Variants in SAP30BP observed in about 807,000 individuals in gnomAD.
The protein encoded by SAP30BP is SAP30 binding protein.
A neutral mutation model predicts 46.3 loss-of-function variants in SAP30BP; 31 were observed. That is an observed-to-expected ratio of 0.67 (90% CI 0.50 to 0.90). The LOEUF (loss-of-function observed/expected upper bound fraction) is 0.90, where lower values mean the gene tolerates loss of function less well. Ranked by LOEUF, SAP30BP falls within the 40% of genes least tolerant of loss-of-function variation. SAP30BP has a pLI of 0.00. For missense variants in SAP30BP, 312 were observed against 391.0 expected, an observed-to-expected ratio of 0.80 and a Z score of 1.70; for synonymous variants, 169 against 144.2, an observed-to-expected ratio of 1.17 and a Z score of -1.23.
At chr17:75,681,963 G>A (rs181091672) in intron 3 of SAP30BP, among the ~76,000 whole-genome samples, 52 of 152,058 alleles carry the variant, frequency 3.4e-4, no homozygotes, top group Middle Eastern at 3.4e-3. Context: ...CGCTGCTGGC[G>A]AGCCCTGACA....
At chr17:75,678,866 G>T (rs904127833) in intron 3 of SAP30BP, among the ~76,000 whole-genome samples, 6 of 152,172 alleles carry the variant, frequency 3.9e-5, no homozygotes, top group Non-Finnish European at 2.9e-5. Context: ...ACCTGAAGCC[G>T]CGCGCAGAAT....
intron 4 of SAP30BP, among the ~76,000 whole-genome samples, chr17:75,695,439 C>T (rs1207178164): frequency 1.3e-5 from 2 of 152,222 alleles, no homozygotes; most frequent in East Asian, 1.9e-4. Context: ...TGTAGTTGGG[C>T]ATGTCCAGAG....
rs952747790 is a variant in SAP30BP at position 75,705,935 on chromosome 17, G to A, written c.661-73G>A. 3.1e-6 allele frequency: 5 copies of A among 1,595,532 alleles called. No homozygotes were observed. In the African/African-American group the frequency reaches 5.3e-5, roughly 17 times the overall value. On this transcript the variant is annotated intron_variant, in intron 9 of 10. Coordinates refer to ENST00000584667, the MANE Select transcript of SAP30BP (RefSeq NM_013260.8). ...GTAGTGCCAAGCTCCTGTCCCCCAG[G>A]AGCTGACGGATGGCAAAAAGCTGTG... is the stretch of plus-strand genomic sequence containing the variant.
chr17:75,677,094 C>A (rs2060001769), intron 3 of SAP30BP, among the ~76,000 whole-genome samples: 1 of 146,788 alleles, frequency 6.8e-6, no homozygotes, highest in Non-Finnish European at 1.5e-5. Flanking sequence ...TTTTTACTGT[C>A]CTGGCAGAAA....
intron 7 of SAP30BP, 73 bp from the exon 8 acceptor site, chr17:75,703,735 T>C: frequency 2.2e-6 from 3 of 1,343,676 alleles, no homozygotes; most frequent in Non-Finnish European, 3.2e-6. Context: ...AGAAGCTCTA[T>C]GGGAAGACTT....
chr17:75,703,981 G>A (rs186497040), intron 8 of SAP30BP, 122 bp downstream of exon 8: 1 of 804,714 alleles, frequency 1.2e-6, no homozygotes, highest in East Asian at 2.4e-5. Context: ...CCATGTTCAA[G>A]GGGGCTGGGT....
chr17:75,684,499 G>A (rs1026686686), intron 3 of SAP30BP: 2 of 152,220 alleles, frequency 1.3e-5, no homozygotes, highest in African/African-American at 4.8e-5. Context: ...CTTGACCATT[G>A]CTGGTTTGTG....
chr17:75,671,149 A>T (rs2059902175), intron 2 of SAP30BP, among the ~76,000 whole-genome samples: 1 of 152,186 alleles, frequency 6.6e-6, no homozygotes, highest in Non-Finnish European at 1.5e-5. Context: ...GGTAGAATGG[A>T]TCACTGGCAG....
At position 75,706,486 on chromosome 17, in the gene SAP30BP, GCT is replaced by G; in HGVS notation, c.893_894del (p.Ala298GlyfsTer13). The G allele has an allele frequency of 6.2e-7, 1 of 1,614,142 alleles. No individual in the cohort carries two copies. Among genetic ancestry groups the G allele is most frequent in the Non-Finnish European group, 8.5e-7 (1 of 1,180,034 alleles). On this transcript the variant is annotated frameshift_variant, in exon 11 of 11. Coordinates refer to ENST00000584667, the MANE Select transcript of SAP30BP (RefSeq NM_013260.8). LOFTEE classifies it high-confidence loss of function. The surrounding 1 kb of genome is among the most constrained non-coding windows in gnomAD (Gnocchi z 4.6). ...ASGSKTTVIS[A>X]VGTIVKKAKQ ...CGGCTCCAAGACCACCGTCATCTCT[GCT>G]GTGGGCACCATTGTGAAGAAGGCCA...
intron 6 of SAP30BP, chr17:75,703,057 C>T: frequency 1.9e-6 from 1 of 530,428 alleles, no homozygotes; most frequent in Admixed American, 3.2e-5. Flanking sequence ...GTGTGGTAAG[C>T]CCAATCCAGC....
chr17:75,672,824 G>A (rs776830521), intron 3 of SAP30BP, among the ~76,000 whole-genome samples: 5 of 151,982 alleles, frequency 3.3e-5, no homozygotes, highest in Non-Finnish European at 7.4e-5. Flanking sequence ...GGTGAGACTG[G>A]TGGGTGGTGC....
intron 1 of SAP30BP, 104 bp downstream of exon 1, chr17:75,667,582 C>T (rs2059812159): frequency 9.6e-7 from 1 of 1,036,280 alleles, no homozygotes; most frequent in South Asian, 1.4e-5. Context: ...GCTCCAAGCA[C>T]CGGACCCCGA....
rs1568292774 is a variant in SAP30BP, at chr17:75,667,490, G to A, written c.106+12G>A. The A allele has an allele frequency of 5.0e-6, 8 of 1,613,032 alleles. No homozygotes were observed. Among genetic ancestry groups the A allele is most frequent in the South Asian group, 2.2e-5 (2 of 91,066 alleles). On this transcript the variant is annotated intron_variant, in intron 1 of 10. Coordinates refer to ENST00000584667, the MANE Select transcript of SAP30BP (RefSeq NM_013260.8). ...GGGCAGCGCGGCTGGTAAGGCCCAA[G>A]TGCGAAGCTGGAAGGGGGAATCGGG...
intron 4 of SAP30BP, 53 bp downstream of exon 4, chr17:75,693,535 C>G: frequency 6.4e-7 from 1 of 1,568,766 alleles, no homozygotes; most frequent in Non-Finnish European, 8.7e-7. Context: ...TCCTAGCAGC[C>G]TGGCTTCCAG....
At position 75,706,420 on chromosome 17, in the gene SAP30BP, G is replaced by A; in HGVS notation, c.826G>A (p.Ala276Thr). The change falls in exon 11 of 11, where the codon GCC (alanine) becomes ACC (threonine). Residue 276 changes from alanine to threonine, a missense_variant. Physicochemically the swap from Ala to Thr is moderately conservative, Grantham distance 58. This residue lies in a region of SAP30BP where 296 missense variants were observed against 346.6 expected (regional missense o/e 0.85). Transcript: ENST00000584667. The surrounding 1 kb of genome is among the most constrained non-coding windows in gnomAD (Gnocchi z 4.6). The part of the protein sequence containing the change: ...IAQPTILTTT[A>T]TLPAVVTVTT... ...CCAGCCCACCATCCTCACCACCACA[G>A]CCACCCTGCCAGCTGTTGTCACGGT... 6.2e-7 allele frequency: 1 copy of A among 1,614,138 alleles called. No individual in the cohort carries two copies. Among genetic ancestry groups the A allele is most frequent in the Non-Finnish European group, 8.5e-7 (1 of 1,180,014 alleles).
intron 1 of SAP30BP, among the ~76,000 whole-genome samples, chr17:75,667,833 G>C (rs2059823360): frequency 6.6e-6 from 1 of 152,230 alleles, no homozygotes; most frequent in Non-Finnish European, 1.5e-5. Context: ...AGATGGTAAA[G>C]ATTGTGTTCG....
intron 4 of SAP30BP, among the ~76,000 whole-genome samples, chr17:75,698,771 T>C (rs760576217): frequency 7.8e-4 from 119 of 152,200 alleles, no homozygotes; most frequent in Non-Finnish European, 4.4e-4. Flanking sequence ...AAATTGGCCA[T>C]GGCAGGAGAA....
At chr17:75,700,807 G>A (rs1036240964) in intron 5 of SAP30BP, among the ~76,000 whole-genome samples, 2 of 152,184 alleles carry the variant, frequency 1.3e-5, no homozygotes, top group East Asian at 1.9e-4. Context: ...CCAGCAACCC[G>A]CCAGGCAGAG....
chr17:75,670,754 A>C (rs1474099209), intron 2 of SAP30BP, among the ~76,000 whole-genome samples: 1 of 152,166 alleles, frequency 6.6e-6, no homozygotes, highest in Non-Finnish European at 1.5e-5. Flanking sequence ...CCTTGGACTC[A>C]CTGGTACCTT....
Sources: gnomAD v4.1 joint callset for allele counts (sites outside exome capture counted in the v4.1 genomes callset) on GRCh38, gnomAD v4.1.1 for gene constraint, gnomAD v4.1.1 regional missense constraint, Gnocchi (gnomAD v3.1) non-coding constraint, MANE v1.5 for transcripts, NCBI Gene and HGNC (gene_info 2026-07-23, HGNC 2026-07-21) for gene names.